The following MYO5C variants were observed in gnomAD, a reference collection of about 807,000 sequenced individuals.
MYO5C encodes the protein unconventional myosin-Vc.
In MYO5C, 194 loss-of-function variants were observed where a neutral mutation model predicts 235.7. The ratio of observed to expected loss-of-function variants is 0.82; its 90% confidence interval spans 0.73 to 0.93. The LOEUF (loss-of-function observed/expected upper bound fraction) is 0.93. MYO5C is among the 40% of genes least tolerant of loss of function. The pLI is 0.00. For missense variants in MYO5C, 2,038 were observed against 2,127.2 expected (o/e 0.96, Z 0.82); for synonymous variants, 707 against 754.8 (o/e 0.94, Z 1.04).
chr15:52,283,824 C>T (rs563701925), intron 1 of MYO5C, among the ~76,000 whole-genome samples: 3 of 152,082 alleles, frequency 2.0e-5, no homozygotes, highest in East Asian at 1.9e-4. Context: ...TACAGGCACC[C>T]GCCACCATGC....
rs768779201 is a variant in MYO5C at position 52,205,806 on chromosome 15, C to T, written c.4537+10G>A. 3.3e-6 allele frequency: 5 copies of T among 1,508,610 alleles called. No individual in the cohort carries two copies. The highest frequency in any genetic ancestry group is 2.8e-5 in the African/African-American group (2 of 71,764). The allele number at this position is 1,508,610 out of a possible 1,614,324, so 93.5% of individuals were successfully genotyped here. On this transcript the variant is annotated intron_variant, in intron 37 of 40. Coordinates refer to ENST00000261839, the MANE Select transcript of MYO5C (RefSeq NM_018728.4). Reference sequence around the variant, plus strand: ...TATAAATATTTTTTGGTCATCCATTCTCTTCTTACCTATTATCGGTTGGAT... The same window carrying T: ...TATAAATATTTTTTGGTCATCCATTTTCTTCTTACCTATTATCGGTTGGAT...
intron 38 of MYO5C, 118 bp downstream of exon 38, chr15:52,204,747 T>TAGGG (rs1361039682): frequency 9.7e-6 from 12 of 1,238,960 alleles, no homozygotes; most frequent in African/African-American, 4.5e-5. Context: ...CCTACAGCAG[T>TAGGG]AGGGCCTAAA....
intron 22 of MYO5C, among the ~76,000 whole-genome samples, chr15:52,236,244 G>A (rs77927485): frequency 0.052 from 7,887 of 152,320 alleles, 436 homozygotes; most frequent in African/African-American, 0.13. Context: ...CAGGCCCCGT[G>A]GTGCTGACTG....
Position 52,244,475 on chromosome 15 carries a change from C to T in MYO5C, c.2271G>A (p.Arg757=), listed in dbSNP as rs372573547. ...YLEKLRLDKL[R]QSCVMVQKHM... ...GCTTTTGTACCATAACACAACTCTG[C>T]CTCAGTTTATCCAATCGAAGTTTCT... Residue 757 remains arginine, a synonymous_variant, in exon 19 of 41, where the codon AGG becomes AGA. Coordinates refer to ENST00000261839, the MANE Select transcript of MYO5C (RefSeq NM_018728.4). 6.2e-7 allele frequency: 1 copy of T among 1,614,200 alleles called. No individual in the cohort carries two copies. The highest frequency in any genetic ancestry group is 1.3e-5 in the African/African-American group (1 of 75,040).
At chr15:52,212,222 G>A (rs759787341) in intron 34 of MYO5C, among the ~76,000 whole-genome samples, 1 of 152,124 alleles carries the variant, frequency 6.6e-6, no homozygotes, top group Non-Finnish European at 1.5e-5. Context: ...TACTCCAAGC[G>A]CTTTGATGAG....
chr15:52,275,134 C>T (rs1180198603), intron 5 of MYO5C, among the ~76,000 whole-genome samples: 2 of 152,232 alleles, frequency 1.3e-5, no homozygotes, highest in Admixed American at 1.3e-4. Context: ...TCTGCCAAGG[C>T]AGAAGGTATA....
At position 52,279,594 on chromosome 15, in the gene MYO5C, C is replaced by T. The variant is rs138613191; in HGVS notation, c.219G>A (p.Thr73=). 2.0e-3 allele frequency: 3,262 copies of T among 1,614,024 alleles called. 63 individuals carry two copies. The African/African-American group carries it at 0.036, about 18-fold the overall frequency. The change falls in exon 3 of 41, where the codon ACG becomes ACA. Residue 73 remains threonine, a synonymous_variant. Transcript: ENST00000261839. The part of the protein sequence containing the change: ...PDILVGENDL[T]ALSYLHEPAV... ...CGGGCTCGTGAAGATAGCTGAGAGCCGTGAGGTCATTCTCGCCCACGAGGA... is the reference window on the plus strand; with the variant it reads ...CGGGCTCGTGAAGATAGCTGAGAGCTGTGAGGTCATTCTCGCCCACGAGGA...
chr15:52,207,122 G>A (rs1237791800), intron 36 of MYO5C, among the ~76,000 whole-genome samples: 1 of 150,120 alleles, frequency 6.7e-6, no homozygotes, highest in Non-Finnish European at 1.5e-5. Flanking sequence ...GACAGAGTGA[G>A]ACCCCCATCT....
intron 1 of MYO5C, among the ~76,000 whole-genome samples, chr15:52,290,626 GAAAA>G (rs36071351): frequency 1.5e-5 from 2 of 136,566 alleles, no homozygotes; most frequent in African/African-American, 2.7e-5. Context: ...CAACCTTTAG[GAAAA>G]AAAAAAAAAA....
chr15:52,247,734 A>G, intron 14 of MYO5C, 142 bp from the exon 15 acceptor site: 1 of 851,532 alleles, frequency 1.2e-6, no homozygotes, highest in Admixed American at 2.8e-5. Context: ...CCAAATCTCA[A>G]TTCCACAAGA....
intron 5 of MYO5C, among the ~76,000 whole-genome samples, chr15:52,274,259 C>T (rs1356697685): frequency 6.6e-6 from 1 of 152,174 alleles, no homozygotes; most frequent in Non-Finnish European, 1.5e-5. Flanking sequence ...ATCCACTGGG[C>T]ATTTAACTTG....
At chr15:52,274,152 G>T (rs997108599) in intron 5 of MYO5C, among the ~76,000 whole-genome samples, 1 of 152,134 alleles carries the variant, frequency 6.6e-6, no homozygotes, top group Non-Finnish European at 1.5e-5. Flanking sequence ...TGTGCCATGC[G>T]CTCGGTAAAC....
At chr15:52,262,152 C>T (rs542202194) in intron 9 of MYO5C, among the ~76,000 whole-genome samples, 6 of 152,278 alleles carry the variant, frequency 3.9e-5, no homozygotes, top group African/African-American at 1.4e-4. Flanking sequence ...GAAAAAAATG[C>T]AAAGGGGCGG....
chr15:52,285,705 G>A (rs948001203), intron 1 of MYO5C, among the ~76,000 whole-genome samples: 9 of 152,368 alleles, frequency 5.9e-5, no homozygotes, highest in East Asian at 1.9e-4. Context: ...TCCGAACCAC[G>A]AGTGATCCGC....
chr15:52,282,346 C>T (rs2037177236), intron 2 of MYO5C, among the ~76,000 whole-genome samples: 1 of 152,210 alleles, frequency 6.6e-6, no homozygotes, highest in South Asian at 2.1e-4. Context: ...TTCTCATTTT[C>T]CTCCCCTTCA....
chr15:52,197,444 G>C (rs2141255823), intron 38 of MYO5C, among the ~76,000 whole-genome samples: 1 of 152,288 alleles, frequency 6.6e-6, no homozygotes, highest in South Asian at 2.1e-4. Flanking sequence ...AAAATCTGTA[G>C]AGAAAGAAAA....
chr15:52,246,817 G>C lies in MYO5C; in HGVS notation c.1979+100C>G. ...TTCTGAATCATTAAAAAAAAACCCAGAAACAGGGTAATCTCAAGACAATTG... is the reference window on the plus strand; with the variant it reads ...TTCTGAATCATTAAAAAAAAACCCACAAACAGGGTAATCTCAAGACAATTG... On this transcript the variant is annotated intron_variant, in intron 16 of 40. Coordinates refer to ENST00000261839, the MANE Select transcript of MYO5C (RefSeq NM_018728.4). 4.4e-6 allele frequency: 4 copies of C among 912,042 alleles called. No homozygotes were observed. The South Asian group carries it at 6.7e-5, about 15-fold the overall frequency. 56.5% of individuals were successfully genotyped at this position (912,042 alleles called of 1,614,324 possible). A position where few individuals can be genotyped will look rare whatever the true frequency, so the allele number is the denominator to read the frequency against.
At chr15:52,235,266 C>A (rs1164989712) in intron 23 of MYO5C, among the ~76,000 whole-genome samples, 1 of 152,202 alleles carries the variant, frequency 6.6e-6, no homozygotes, top group African/African-American at 2.4e-5. Context: ...ATTACTCTGA[C>A]TGTACATCAG....
intron 9 of MYO5C, among the ~76,000 whole-genome samples, chr15:52,262,249 C>T (rs955215017): frequency 6.6e-6 from 1 of 152,158 alleles, no homozygotes; most frequent in Admixed American, 6.5e-5. Flanking sequence ...GAGATGGATC[C>T]CAAATCTAGG....
Sources: gnomAD v4.1 joint callset for allele counts (sites outside exome capture counted in the v4.1 genomes callset) on GRCh38, gnomAD v4.1.1 for gene constraint, MANE v1.5 for transcripts, NCBI Gene and HGNC (gene_info 2026-07-23, HGNC 2026-07-21) for gene names.